PARP12: variants seen among roughly 807,000 people sequenced by gnomAD.
The protein encoded by PARP12 is poly(ADP-ribose) polymerase family member 12, also known as protein mono-ADP-ribosyltransferase PARP12.
PARP12 carries 59 observed loss-of-function variants against 72.4 expected under a neutral mutation model. The ratio of observed to expected loss-of-function variants is 0.81; its 90% confidence interval spans 0.66 to 1.01. The LOEUF is 1.01. Among genes scored for constraint, PARP12 ranks in the 50% least tolerant of loss-of-function variants. The probability of loss-of-function intolerance (pLI) is 0.00; values close to 1 mark genes in which losing one functional copy is unlikely to be tolerated. For synonymous variants in PARP12, 403 were observed against 371.4 expected, an observed-to-expected ratio of 1.09 and a Z score of -0.98; for missense variants, 851 against 914.0, an observed-to-expected ratio of 0.93 and a Z score of 0.89.
intron 2 of PARP12, 77 bp downstream of exon 2, chr7:140,057,822 C>A: frequency 1.3e-6 from 2 of 1,575,676 alleles, no homozygotes. Flanking sequence ...ACCCATTCCA[C>A]TCCCAGTCAT....
rs765899674 is a variant in PARP12, at chr7:140,057,030, T to C, written c.586A>G (p.Lys196Glu). The C allele has an allele frequency of 3.1e-6, 5 of 1,614,128 alleles. No homozygotes were observed. The African/African-American group carries it at 5.3e-5, about 17-fold the overall frequency. Residue 196 changes from lysine (K) to glutamate (E), a missense_variant, in exon 3 of 12, where the codon AAG (lysine) becomes GAG (glutamate). Lys to Glu is a moderately conservative substitution (Grantham distance 56). Around this residue, in one of 3 missense-constraint regions of PARP12, gnomAD observed 492 missense variants for 489.3 expected, o/e 1.01. Coordinates refer to ENST00000263549, the MANE Select transcript of PARP12 (RefSeq NM_022750.4). ...QGECKFGTSC[K>E]RSHDFSNSEN... ...GAATTAGAGAAATCATGGGATCTCT[T>C]ACAGCTAGTGCCAAACTTGCATTCC...
At chr7:140,032,727 G>A (rs1815988023) in intron 8 of PARP12, among the ~76,000 whole-genome samples, 1 of 152,132 alleles carries the variant, frequency 6.6e-6, no homozygotes, top group African/African-American at 2.4e-5. Flanking sequence ...AGTATAGATA[G>A]CATGTTCCCT....
chr7:140,027,655 G>GC (rs1255160004), intron 9 of PARP12: 71 of 333,622 alleles, frequency 2.1e-4, no homozygotes, highest in African/African-American at 1.2e-3. Context: ...TTAGCATATG[G>GC]GAAATTGGTT....
chr7:140,033,054 G>A (rs1816003267), intron 8 of PARP12: 2 of 383,634 alleles, frequency 5.2e-6, no homozygotes, highest in Admixed American at 6.5e-5. Flanking sequence ...CTGGGCTCAG[G>A]TGTCTCTCCC....
Position 140,062,402 on chromosome 7 carries a change from G to A in PARP12, c.326+120C>T, listed in dbSNP as rs76192719. 5,451 of 1,011,534 alleles carry A rather than the reference G, an allele frequency of 5.4e-3. 212 individuals are homozygous for A. The African/African-American group carries it at 0.083, about 15-fold the overall frequency. The allele number at this position is 1,011,534 out of a possible 1,614,324, so 62.7% of individuals were successfully genotyped here. A position where few individuals can be genotyped will look rare whatever the true frequency, so the allele number is the denominator to read the frequency against. On this transcript the variant is annotated intron_variant, in intron 1 of 11. Transcript: ENST00000263549. The stretch of plus-strand genomic sequence containing the variant: ...CTCGCTTTAGTGAATGACGGTGCGA[G>A]GTCAGGGCAGAGCCACCGAATTGTC...
chr7:140,037,769 C>T lies in PARP12; in HGVS notation c.1270G>A (p.Ala424Thr). The T allele has an allele frequency of 1.2e-6, 2 of 1,614,200 alleles. No homozygotes were observed. The highest frequency in any genetic ancestry group is 1.7e-6 in the Non-Finnish European group (2 of 1,179,998). ...AYCTPGSDGQ[A>T]ATLKFQAGKH... The stretch of plus-strand genomic sequence containing the variant: ...CCGGCCTGGAACTTCAAGGTGGCTG[C>T]CTGGCCGTCAGACCCCGGTGTACAG... Residue 424 changes from alanine to threonine, a missense_variant, in exon 7 of 12, where the codon GCA (alanine) becomes ACA (threonine). This residue lies in a region of PARP12 where 347 missense variants were observed against 396.1 expected (regional missense o/e 0.88). Transcript: ENST00000263549.
chr7:140,052,639 G>T (rs1367533359), intron 4 of PARP12, among the ~76,000 whole-genome samples: 3 of 151,872 alleles, frequency 2.0e-5, no homozygotes, highest in Non-Finnish European at 4.4e-5. Flanking sequence ...GTTATTACAA[G>T]TTAGTATGAA....
intron 9 of PARP12, 105 bp downstream of exon 9, chr7:140,028,508 C>A (rs1335917727): frequency 5.8e-6 from 6 of 1,034,676 alleles, no homozygotes. Flanking sequence ...CAATTAGCCC[C>A]AGCCTTACAG....
chr7:140,027,193 G>T, intron 10 of PARP12, 83 bp downstream of exon 10: 1 of 1,546,076 alleles, frequency 6.5e-7, no homozygotes, highest in Non-Finnish European at 8.8e-7. Context: ...TGCTTTTCCT[G>T]GAAACCCGGG....
At position 140,037,795 on chromosome 7, in the gene PARP12, T is replaced by G. The variant is rs778476468; in HGVS notation, c.1244A>C (p.Tyr415Ser). The change falls in exon 7 of 12, where the codon TAC (tyrosine) becomes TCC (serine). Residue 415 changes from tyrosine (Y) to serine (S), a missense_variant. Tyr to Ser is a moderately radical substitution (Grantham distance 144). Transcript: ENST00000263549. ...CTGGCCGTCAGACCCCGGTGTACAG[T>G]AGGCCAGGTAGGCCTTCTCCACGTC... The part of the protein sequence containing the change: ...SSDVEKAYLA[Y>S]CTPGSDGQAA... The G allele has an allele frequency of 1.4e-5, 23 of 1,614,102 alleles. No individual in the cohort carries two copies. The highest frequency in any genetic ancestry group is 1.9e-5 in the Non-Finnish European group (22 of 1,179,920).
At chr7:140,027,153 C>A in intron 10 of PARP12, 123 bp downstream of exon 10, 1 of 1,341,180 alleles carries the variant, frequency 7.5e-7, no homozygotes. Context: ...ACACACAGCT[C>A]CCAGCACATG....
chr7:140,045,030 T>C (rs1016892811), intron 5 of PARP12, among the ~76,000 whole-genome samples: 14 of 126,760 alleles, frequency 1.1e-4, no homozygotes, highest in Non-Finnish European at 1.9e-4. Flanking sequence ...CATCTTTTTC[T>C]TTTTTTTTTT....
chr7:140,053,792 T>C (rs1381220811), intron 4 of PARP12, among the ~76,000 whole-genome samples: 1 of 152,062 alleles, frequency 6.6e-6, no homozygotes, highest in Non-Finnish European at 1.5e-5. Flanking sequence ...CATACTGACA[T>C]GGAAAAAAAA....
chr7:140,024,533 T>G lies in PARP12; in HGVS notation c.*27A>C. 1 of 1,611,886 alleles carries G rather than the reference T, an allele frequency of 6.2e-7. No individual in the cohort carries two copies. The highest frequency in any genetic ancestry group is 2.2e-5 in the East Asian group (1 of 44,846). Reference sequence around the variant, plus strand: ...AATAGCCATTTCAAGGCAGAGCAGGTGAAAGGCCTGGAACACTCCTGTGCG... The same window carrying G: ...AATAGCCATTTCAAGGCAGAGCAGGGGAAAGGCCTGGAACACTCCTGTGCG... On this transcript the variant is annotated 3_prime_UTR_variant, in exon 12 of 12. Transcript: ENST00000263549.
intron 8 of PARP12, among the ~76,000 whole-genome samples, chr7:140,030,450 T>G (rs1180977642): frequency 6.6e-6 from 1 of 152,080 alleles, no homozygotes; most frequent in East Asian, 1.9e-4. Flanking sequence ...ATACAAAAAT[T>G]AGCCGGGCAT....
intron 5 of PARP12, among the ~76,000 whole-genome samples, 149 bp downstream of exon 5, chr7:140,046,721 AGTGTGTGTGTGTGT>A (rs9340757): frequency 7.4e-5 from 10 of 135,400 alleles, no homozygotes; most frequent in East Asian, 6.5e-4. Context: ...GGTGGCTCAC[AGTGTGTGTGTGTGT>A]GTGTGTGTGT....
At chr7:140,038,324 A>G in intron 6 of PARP12, 1 of 981,174 alleles carries the variant, frequency 1.0e-6, no homozygotes, top group South Asian at 4.7e-5. Flanking sequence ...AGGAGCATTC[A>G]TCTATTTTTT....
At position 140,061,490 on chromosome 7, in the gene PARP12, G is replaced by GAGGGAGC. The variant is rs1488967288; in HGVS notation, c.326+1025_326+1031dup. ...ACAAAACAGGGAGCAAGCAAGAAAG[G>GAGGGAGC]AGGGAGCAGGGGAGGAAGGAATTCT... On this transcript the variant is annotated intron_variant, in intron 1 of 11. Transcript: ENST00000263549. 2.0e-5 allele frequency among the ~76,000 whole-genome samples: 3 copies of GAGGGAGC among 152,160 alleles called. No homozygotes were observed. In the East Asian group the frequency reaches 5.8e-4, roughly 29 times the overall value.
chr7:140,028,840 G>A lies in PARP12; in HGVS notation c.1422-152C>T, dbSNP rs140053308. ...AGAAGGCAAGGAAGAATGTTAGCAC[G>A]ATATTCACAACATGAGAGCACTTTT... On this transcript the variant is annotated intron_variant, in intron 8 of 11. Coordinates refer to ENST00000263549, the MANE Select transcript of PARP12 (RefSeq NM_022750.4). The A allele has an allele frequency of 8.0e-4, 482 of 599,158 alleles. 3 individuals are homozygous for A. In the African/African-American group the frequency reaches 8.5e-3, roughly 11 times the overall value. The allele number at this position is 599,158 out of a possible 1,614,324, so 37.1% of individuals were successfully genotyped here.
Sources: gnomAD v4.1 joint callset for allele counts (sites outside exome capture counted in the v4.1 genomes callset) on GRCh38, gnomAD v4.1.1 for gene constraint, gnomAD v4.1.1 regional missense constraint, MANE v1.5 for transcripts, NCBI Gene and HGNC (gene_info 2026-07-23, HGNC 2026-07-21) for gene names.